Variants in ACBD6 observed in about 807,000 individuals in gnomAD.
The protein encoded by ACBD6 is acyl-CoA-binding domain-containing protein 6.
ACBD6 carries 28 observed loss-of-function variants against 37.2 expected under a neutral mutation model. The ratio of observed to expected loss-of-function variants is 0.75; its 90% CI spans 0.56 to 1.03. The LOEUF is 1.03. Ranked by LOEUF, ACBD6 falls within the 50% of genes least tolerant of loss-of-function variation. ACBD6 has a pLI of 0.00. For missense variants in ACBD6, 340 were observed against 337.4 expected (o/e 1.01, Z -0.06); for synonymous variants, 113 against 126.8 (o/e 0.89, Z 0.73).
intron 6 of ACBD6, among the ~76,000 whole-genome samples, chr1:180,375,593 T>G (rs1653402193): frequency 6.6e-6 from 1 of 152,194 alleles, no homozygotes. Flanking sequence ...CCCAAAGTGC[T>G]GGAATTATAG....
intron 10 of ACBD6, chr1:180,274,477 G>A (rs750012357): frequency 5.6e-6 from 9 of 1,613,976 alleles, no homozygotes; most frequent in Non-Finnish European, 6.8e-6. Flanking sequence ...CCATGGCTGG[G>A]GGACCCACCT....
intron 7 of ACBD6, among the ~76,000 whole-genome samples, chr1:180,295,076 G>C (rs892585447): frequency 1.3e-5 from 2 of 151,868 alleles, no homozygotes; most frequent in African/African-American, 4.8e-5. Flanking sequence ...ACCAGTTTTT[G>C]ATTTCACTGA....
intron 3 of ACBD6, among the ~76,000 whole-genome samples, chr1:180,488,168 T>C (rs1306464279): frequency 6.6e-6 from 1 of 151,962 alleles, no homozygotes; most frequent in East Asian, 1.9e-4. Context: ...ATAAAGCAAA[T>C]ATAACCAGCA....
At chr1:180,430,356 A>G (rs1648765163) in intron 3 of ACBD6, 94 bp from the exon 4 acceptor site, 2 of 1,108,480 alleles carry the variant, frequency 1.8e-6, no homozygotes, top group South Asian at 1.2e-5. Flanking sequence ...GCTAAGAAAG[A>G]CTAAGGATTT....
At chr1:180,338,344 A>G (rs1651830564) in intron 6 of ACBD6, among the ~76,000 whole-genome samples, 1 of 152,216 alleles carries the variant, frequency 6.6e-6, no homozygotes, top group Admixed American at 6.5e-5. Flanking sequence ...GGACCAATGG[A>G]ACAGAACAGA....
intron 6 of ACBD6, among the ~76,000 whole-genome samples, chr1:180,374,818 A>G (rs923790164): frequency 6.6e-6 from 1 of 152,220 alleles, no homozygotes; most frequent in Non-Finnish European, 1.5e-5. Context: ...TAGAAATTAG[A>G]GATCTAAAAA....
chr1:180,288,280 TG>T lies in ACBD6; in HGVS notation c.*82del. ...TTAGCCAATACATACCAAAGACGGG[TG>T]GAAAAGAAGTATTATTTTTGTAGTT... On this transcript the variant is annotated 3_prime_UTR_variant, in exon 8 of 8. Transcript: ENST00000367595. 6.3e-7 allele frequency: 1 copy of T among 1,584,254 alleles called. No individual in the cohort carries two copies.
intron 6 of ACBD6, among the ~76,000 whole-genome samples, chr1:180,358,462 T>G (rs61811596): frequency 1.3e-5 from 2 of 149,418 alleles, no homozygotes; most frequent in African/African-American, 4.9e-5. Flanking sequence ...AAAAAAAACC[T>G]CACAGCATTT....
intron 6 of ACBD6, among the ~76,000 whole-genome samples, chr1:180,339,888 G>T (rs532158905): frequency 3.3e-5 from 5 of 152,044 alleles, no homozygotes; most frequent in Admixed American, 2.6e-4. Context: ...GGGAGGTAGG[G>T]CAGATTGGGT....
chr1:180,352,073 T>C (rs1009834114), intron 6 of ACBD6, among the ~76,000 whole-genome samples: 1 of 152,202 alleles, frequency 6.6e-6, no homozygotes, highest in Admixed American at 6.5e-5. Context: ...CAATTCCATT[T>C]ACATGAGGTA....
At chr1:180,329,582 T>A (rs1651397366) in intron 6 of ACBD6, among the ~76,000 whole-genome samples, 1 of 152,240 alleles carries the variant, frequency 6.6e-6, no homozygotes, top group Non-Finnish European at 1.5e-5. Flanking sequence ...ATGTTGGTTT[T>A]ATCTTGGTTT....
intron 6 of ACBD6, among the ~76,000 whole-genome samples, chr1:180,329,960 G>A (rs1651414438): frequency 6.6e-6 from 1 of 152,038 alleles, no homozygotes; most frequent in Non-Finnish European, 1.5e-5. Context: ...ATAACTTTCT[G>A]ACCAGCCCAC....
chr1:180,445,710 A>T (rs1342171988), intron 3 of ACBD6, among the ~76,000 whole-genome samples: 1 of 152,088 alleles, frequency 6.6e-6, no homozygotes, highest in African/African-American at 2.4e-5. Flanking sequence ...GGATCACTTG[A>T]GCTCAGGAGT....
intron 6 of ACBD6, among the ~76,000 whole-genome samples, chr1:180,396,599 CA>C (rs1436763177): frequency 6.6e-6 from 1 of 151,918 alleles, no homozygotes; most frequent in Non-Finnish European, 1.5e-5. Flanking sequence ...AACTCAACAA[CA>C]AAAAGACAAA....
At chr1:180,277,599 C>G (rs1016473193) in intron 9 of ACBD6, 2 of 152,072 alleles carry the variant, frequency 1.3e-5, no homozygotes, top group East Asian at 3.9e-4. Context: ...GGAGGAAATA[C>G]CAGATTTAAG....
chr1:180,489,349 A>G (rs373931878), intron 3 of ACBD6, among the ~76,000 whole-genome samples: 4 of 151,770 alleles, frequency 2.6e-5, no homozygotes, highest in African/African-American at 9.7e-5. Context: ...CAAAAAAAAA[A>G]GCTATGAGTC....
chr1:180,415,457 G>A (rs955676501), intron 4 of ACBD6, among the ~76,000 whole-genome samples: 1 of 151,532 alleles, frequency 6.6e-6, no homozygotes, highest in African/African-American at 2.4e-5. Context: ...AATACCTTCA[G>A]AGTTCCAACT....
At chr1:180,311,449 T>C (rs1650591161) in intron 7 of ACBD6, among the ~76,000 whole-genome samples, 2 of 152,168 alleles carry the variant, frequency 1.3e-5, no homozygotes. Context: ...TACTTTTTAA[T>C]TTTTTTGAGA....
chr1:180,460,551 G>T (rs1650106465), intron 3 of ACBD6, among the ~76,000 whole-genome samples: 1 of 152,022 alleles, frequency 6.6e-6, no homozygotes. Flanking sequence ...ACCCTCCCTG[G>T]GATGGAGCTC....
Sources: allele counts gnomAD v4.1 joint callset (sites outside exome capture counted in the v4.1 genomes callset), GRCh38; gene constraint gnomAD v4.1.1; transcripts MANE v1.5; gene names NCBI Gene and HGNC (gene_info 2026-07-23, HGNC 2026-07-21).